Variants in TMEFF1 observed in about 807,000 individuals in gnomAD.
TMEFF1 encodes the protein tomoregulin-1.
A neutral mutation model predicts 47.5 loss-of-function variants in TMEFF1; 20 were observed. The observed-to-expected ratio is 0.42, with a 90% CI of 0.30 to 0.61. The LOEUF (loss-of-function observed/expected upper bound fraction) is 0.61. Ranked by LOEUF, TMEFF1 falls within the 20% of genes least tolerant of loss-of-function variation. TMEFF1 has a pLI of 0.19. For missense variants in TMEFF1, 411 were observed against 471.1 expected, an observed-to-expected ratio of 0.87 and a Z score of 1.18; for synonymous variants, 162 against 166.3, an observed-to-expected ratio of 0.97 and a Z score of 0.20.
At chr9:100,561,059 G>A (rs1470552212) in intron 7 of TMEFF1, among the ~76,000 whole-genome samples, 2 of 152,206 alleles carry the variant, frequency 1.3e-5, no homozygotes, top group Non-Finnish European at 2.9e-5. Flanking sequence ...GTCTGTCACA[G>A]AGGTGAACTT....
chr9:100,486,927 C>T (rs1378365017), intron 1 of TMEFF1, among the ~76,000 whole-genome samples: 2 of 152,144 alleles, frequency 1.3e-5, no homozygotes, highest in African/African-American at 4.8e-5. Context: ...CTGTGCCTGG[C>T]TAGGAATTTT....
intron 2 of TMEFF1, among the ~76,000 whole-genome samples, chr9:100,504,882 T>G (rs1446749409): frequency 6.6e-6 from 1 of 152,246 alleles, no homozygotes; most frequent in Non-Finnish European, 1.5e-5. Context: ...GAATTAATGC[T>G]TCATTTTAAT....
chr9:100,498,378 A>C (rs1007249313), intron 1 of TMEFF1, among the ~76,000 whole-genome samples: 1 of 152,176 alleles, frequency 6.6e-6, no homozygotes. Flanking sequence ...TATTACTGTT[A>C]ATTCTCATTA....
chr9:100,485,900 T>C (rs1837438409), intron 1 of TMEFF1, among the ~76,000 whole-genome samples: 1 of 152,196 alleles, frequency 6.6e-6, no homozygotes, highest in African/African-American at 2.4e-5. Flanking sequence ...TTAAAAAGTA[T>C]CATGTATTTT....
chr9:100,570,530 A>G (rs2800280), intron 8 of TMEFF1, among the ~76,000 whole-genome samples: 58,511 of 151,936 alleles, frequency 0.39, 11,761 homozygotes, highest in Admixed American at 0.46. Flanking sequence ...TTGTTGAAGA[A>G]ACAGTTCTTT....
chr9:100,537,201 C>G (rs1413004642), intron 5 of TMEFF1, among the ~76,000 whole-genome samples: 1 of 152,132 alleles, frequency 6.6e-6, no homozygotes, highest in Admixed American at 6.5e-5. Context: ...TTAATGCAAT[C>G]CTGCCTGTGT....
At chr9:100,507,378 T>C (rs554204704) in intron 2 of TMEFF1, among the ~76,000 whole-genome samples, 1 of 152,350 alleles carries the variant, frequency 6.6e-6, no homozygotes, top group Non-Finnish European at 1.5e-5. Flanking sequence ...ACCTACCCAG[T>C]AATGAGATTG....
chr9:100,474,972 C>G (rs1290517146), intron 1 of TMEFF1, among the ~76,000 whole-genome samples: 1 of 152,138 alleles, frequency 6.6e-6, no homozygotes, highest in East Asian at 1.9e-4. Context: ...AGTGGAGGGT[C>G]TTCTTGGAGC....
At chr9:100,480,541 AC>A (rs1837321677) in intron 1 of TMEFF1, among the ~76,000 whole-genome samples, 1 of 152,174 alleles carries the variant, frequency 6.6e-6, no homozygotes, top group Admixed American at 6.5e-5. Context: ...GAGTGGAGAA[AC>A]CCTGTAAACT....
At chr9:100,561,357 G>A (rs369817917) in intron 7 of TMEFF1, 40 bp from the exon 8 acceptor site, 12 of 1,589,244 alleles carry the variant, frequency 7.6e-6, no homozygotes, top group East Asian at 2.3e-5. Context: ...TTTTCAGCTT[G>A]CGTTTCATTG....
At chr9:100,522,719 G>A (rs1383846017) in intron 5 of TMEFF1, among the ~76,000 whole-genome samples, 2 of 151,452 alleles carry the variant, frequency 1.3e-5, no homozygotes, top group Non-Finnish European at 2.9e-5. Flanking sequence ...ACAGGCCTGA[G>A]CCACTGCACC....
chr9:100,563,018 A>G (rs1329997660), intron 8 of TMEFF1, among the ~76,000 whole-genome samples: 1 of 151,916 alleles, frequency 6.6e-6, no homozygotes, highest in Non-Finnish European at 1.5e-5. Context: ...GGGTTTCACT[A>G]TGTTGGCCAG....
At chr9:100,513,370 T>TC in intron 4 of TMEFF1, 37 bp downstream of exon 4, 1 of 1,528,336 alleles carries the variant, frequency 6.5e-7, no homozygotes, top group Non-Finnish European at 8.7e-7. Context: ...TATTTGCTTT[T>TC]CTTTCTTTCT....
At chr9:100,516,122 A>G (rs1245238967) in intron 4 of TMEFF1, among the ~76,000 whole-genome samples, 1 of 152,216 alleles carries the variant, frequency 6.6e-6, no homozygotes, top group African/African-American at 2.4e-5. Context: ...TAGAAAAAGA[A>G]GAAAAGTCCT....
rs769056127 is a variant in TMEFF1 at position 100,550,180 on chromosome 9, C to T, written c.775+20C>T. On this transcript the variant is annotated intron_variant, in intron 7 of 9. Coordinates refer to ENST00000374879, the MANE Select transcript of TMEFF1 (RefSeq NM_003692.5). ...TGAAAGGTACTGAATCATGCATCTC[C>T]AAATTTTGGCCAGCTATGGAAATAC... 2 of 1,603,824 alleles carry T rather than the reference C, an allele frequency of 1.2e-6. No homozygotes were observed. Among genetic ancestry groups the T allele is most frequent in the Non-Finnish European group, 1.7e-6 (2 of 1,176,570 alleles).
At chr9:100,512,533 C>T (rs1465785790) in intron 3 of TMEFF1, among the ~76,000 whole-genome samples, 3 of 152,152 alleles carry the variant, frequency 2.0e-5, no homozygotes, top group Non-Finnish European at 2.9e-5. Context: ...TCCTCACTTG[C>T]TCTCTCTGCT....
intron 7 of TMEFF1, among the ~76,000 whole-genome samples, chr9:100,551,181 C>G (rs1244975205): frequency 6.6e-6 from 1 of 152,186 alleles, no homozygotes; most frequent in Non-Finnish European, 1.5e-5. Flanking sequence ...AATTTCTAAA[C>G]AATATGTAAA....
At chr9:100,497,320 C>CCTTTTTTTTTTTTTTTTTTTTTTT (rs1837668320) in intron 1 of TMEFF1, among the ~76,000 whole-genome samples, 1 of 59,526 alleles carries the variant, frequency 1.7e-5, no homozygotes, top group African/African-American at 6.8e-5. Flanking sequence ...CCACTCATGT[C>CCTTTTTTTTTTTTTTTTTTTTTTT]TTTTTTTTTT....
At position 100,516,898 on chromosome 9, in the gene TMEFF1, A is replaced by G. The variant is rs1838084734; in HGVS notation, c.560+127A>G. 4 of 1,090,594 alleles carry G rather than the reference A, an allele frequency of 3.7e-6. No homozygotes were observed. The East Asian group carries it at 1.1e-4, about 30-fold the overall frequency. 67.6% of individuals were successfully genotyped at this position (1,090,594 alleles called of 1,614,324 possible). On this transcript the variant is annotated intron_variant, in intron 5 of 9. Coordinates refer to ENST00000374879, the MANE Select transcript of TMEFF1 (RefSeq NM_003692.5). ...TGTTTTCAAATTTTTTTTTTGTTTA[A>G]TGCTAGTCTATTGACTTTTAAATTG...
Sources: gnomAD v4.1 joint callset for allele counts (sites outside exome capture counted in the v4.1 genomes callset) on GRCh38, gnomAD v4.1.1 for gene constraint, MANE v1.5 for transcripts, NCBI Gene and HGNC (gene_info 2026-07-23, HGNC 2026-07-21) for gene names.